The following FER1L5 variants were observed in gnomAD, a reference collection of about 807,000 sequenced individuals.
FER1L5 encodes the protein fer-1 like family member 5.
Under a neutral mutation model 279.9 loss-of-function variants are expected in FER1L5, and 187 were observed. The observed-to-expected ratio is 0.67, with a 90% confidence interval of 0.59 to 0.75. FER1L5 has a LOEUF of 0.75. Among genes scored for constraint, FER1L5 ranks in the 30% least tolerant of loss-of-function variants. FER1L5 has a pLI of 0.00. For synonymous variants in FER1L5, 921 were observed against 989.7 expected, an observed-to-expected ratio of 0.93 and a Z score of 1.30; for missense variants, 2,091 against 2,594.4, an observed-to-expected ratio of 0.81 and a Z score of 4.21.
chr2:96,661,487 TG>T, intron 11 of FER1L5, 47 bp downstream of exon 11: 1 of 1,529,688 alleles, frequency 6.5e-7, no homozygotes, highest in Non-Finnish European at 8.9e-7. Context: ...GGCTGCCTCC[TG>T]GGGGCACCCC....
intron 1 of FER1L5, among the ~76,000 whole-genome samples, chr2:96,643,384 C>CT (rs1299923730): frequency 6.6e-6 from 1 of 152,170 alleles, no homozygotes; most frequent in East Asian, 1.9e-4. Context: ...GACTGTCACT[C>CT]TGTCACCCAG....
chr2:96,644,620 C>T (rs1348347136), intron 1 of FER1L5, among the ~76,000 whole-genome samples: 4 of 152,156 alleles, frequency 2.6e-5, no homozygotes, highest in South Asian at 2.1e-4. Context: ...GGGAGAAAAC[C>T]GGGCCCAAGA....
At chr2:96,659,311 T>TCTC (rs1558852754) in intron 9 of FER1L5, among the ~76,000 whole-genome samples, 7 of 51,034 alleles carry the variant, frequency 1.4e-4, no homozygotes, top group African/African-American at 3.3e-4. Context: ...CCTTCCTTCC[T>TCTC]TCCTTCCTTC....
Position 96,647,762 on chromosome 2 carries a change from C to G in FER1L5, c.231-16C>G, listed in dbSNP as rs1394875560. On this transcript the variant is annotated splice_polypyrimidine_tract_variant and intron_variant, in intron 3 of 52. Transcript: ENST00000624922. ...CCCCTGGCTCAGGATCTCACATCTG[C>G]TCCTTGTCTCCCCAGATTCATTGGC... 1 of 1,537,506 alleles carries G rather than the reference C, an allele frequency of 6.5e-7. No individual in the cohort carries two copies. The highest frequency in any genetic ancestry group is 2.4e-5 in the East Asian group (1 of 40,868).
In FER1L5 at chr2:96,686,342, T is replaced by C. The variant is rs1000730063; in HGVS notation, c.2221T>C (p.Phe741Leu). The change falls in exon 23 of 53, where the codon TTC becomes CTC. Residue 741 changes from phenylalanine to leucine, a missense_variant. Transcript: ENST00000624922. ...GCTCTGTGGGAAGATACAGACACTC[T>C]TCCTACAGGTGGGAATCAGGGACTC... The part of the protein sequence containing the change: ...GRLCGKIQTL[F>L]LQYPEGEGQK... 6.4e-7 allele frequency: 1 copy of C among 1,550,680 alleles called. No individual in the cohort carries two copies. The highest frequency in any genetic ancestry group is 1.4e-5 in the African/African-American group (1 of 73,040).
chr2:96,688,864 G>A (rs1487073314), intron 24 of FER1L5: 1 of 230,476 alleles, frequency 4.3e-6, no homozygotes, highest in African/African-American at 2.4e-5. Context: ...TGCTGCCTCT[G>A]GGCCTTTTCA....
At chr2:96,695,292 G>C (rs1396449382) in intron 34 of FER1L5, 2 of 589,340 alleles carry the variant, frequency 3.4e-6, no homozygotes, top group Non-Finnish European at 5.6e-6. Flanking sequence ...TGGGTTGGGG[G>C]ACAGCGTCCC....
At chr2:96,679,103 C>T (rs982669636) in intron 19 of FER1L5, among the ~76,000 whole-genome samples, 1 of 151,632 alleles carries the variant, frequency 6.6e-6, no homozygotes, top group African/African-American at 2.4e-5. Context: ...GCCTGTAATC[C>T]CAACACTTTG....
At chr2:96,648,297 A>G (rs927340307) in intron 4 of FER1L5, among the ~76,000 whole-genome samples, 1 of 152,252 alleles carries the variant, frequency 6.6e-6, no homozygotes, top group African/African-American at 2.4e-5. Context: ...GACATTGGAA[A>G]TGTAGGGAGA....
intron 18 of FER1L5, among the ~76,000 whole-genome samples, chr2:96,670,875 C>T (rs562793125): frequency 1.1e-4 from 16 of 151,688 alleles, no homozygotes; most frequent in South Asian, 8.3e-4. Context: ...GAGGCTCAGG[C>T]GGGCAGATCA....
At position 96,691,400 on chromosome 2, in the gene FER1L5, C is replaced by A. The variant is rs1221014322; in HGVS notation, c.2908-45C>A. The A allele has an allele frequency of 4.6e-6, 7 of 1,536,372 alleles. No homozygotes were observed. Among genetic ancestry groups the A allele is most frequent in the Non-Finnish European group, 6.2e-6 (7 of 1,137,388 alleles). On this transcript the variant is annotated intron_variant, in intron 28 of 52. Transcript: ENST00000624922. The surrounding 1 kb of genome is among the most constrained non-coding windows in gnomAD (Gnocchi z 6.0). ...TGGCTGGGACTGCGGGCAGGGCCGC[C>A]TTGGCTGCTGCAGGAACACAACCCT...
intron 19 of FER1L5, among the ~76,000 whole-genome samples, chr2:96,678,407 A>T (rs1233686213): frequency 6.6e-6 from 1 of 151,024 alleles, no homozygotes; most frequent in African/African-American, 2.4e-5. Context: ...CTGGGATTAC[A>T]GGTGTGAGCC....
In FER1L5 at chr2:96,704,767, T is replaced by C; in HGVS notation, c.*75T>C. 1 of 1,145,112 alleles carries C rather than the reference T, an allele frequency of 8.7e-7. No individual in the cohort carries two copies. The highest frequency in any genetic ancestry group is 1.3e-5 in the South Asian group (1 of 75,750). 70.9% of individuals were successfully genotyped at this position (1,145,112 alleles called of 1,614,324 possible). A position where few individuals can be genotyped will look rare whatever the true frequency, so the allele number is the denominator to read the frequency against. On this transcript the variant is annotated 3_prime_UTR_variant, in exon 53 of 53. Coordinates refer to ENST00000624922, the MANE Select transcript of FER1L5 (RefSeq NM_001293083.2). ...GGGCTGGCTACCAGTTCTTTGTTTC[T>C]ATCTTCTAGAATATATGCAAGATGC...
At chr2:96,683,837 TG>T (rs1202051224) in intron 19 of FER1L5, among the ~76,000 whole-genome samples, 1 of 152,226 alleles carries the variant, frequency 6.6e-6, no homozygotes, top group Non-Finnish European at 1.5e-5. Context: ...CCTCTACGTT[TG>T]GTCTCACTTC....
rs144748365 is a variant in FER1L5, at chr2:96,687,797, C to T, written c.2230-19C>T. 2,735 of 1,550,650 alleles carry T rather than the reference C, an allele frequency of 1.8e-3. 9 individuals carry two copies. Among genetic ancestry groups the T allele is most frequent in the African/African-American group, 6.4e-3 (467 of 73,134 alleles). Reference sequence around the variant, plus strand: ...AGGGTGTTTAGTGCCCCTGTGGGACCGATCGGCCTCTGGCTCAGTACCCAG... The same window carrying T: ...AGGGTGTTTAGTGCCCCTGTGGGACTGATCGGCCTCTGGCTCAGTACCCAG... On this transcript the variant is annotated intron_variant, in intron 23 of 52. Transcript: ENST00000624922.
intron 9 of FER1L5, among the ~76,000 whole-genome samples, chr2:96,658,455 T>G (rs537308636): frequency 1.3e-5 from 2 of 151,970 alleles, no homozygotes; most frequent in South Asian, 4.2e-4. Flanking sequence ...TAGCTGGGAT[T>G]ACAGGTGCAC....
chr2:96,651,539 T>C (rs2075382874), intron 6 of FER1L5, among the ~76,000 whole-genome samples: 1 of 151,366 alleles, frequency 6.6e-6, no homozygotes, highest in African/African-American at 2.4e-5. Flanking sequence ...TCTTGCTCTG[T>C]TGCCCAGGCT....
chr2:96,678,492 G>A (rs569123021), intron 19 of FER1L5, among the ~76,000 whole-genome samples: 1 of 151,876 alleles, frequency 6.6e-6, no homozygotes, highest in African/African-American at 2.4e-5. Context: ...GGAGTGCAGT[G>A]GTGCAATCAC....
At chr2:96,682,995 A>G (rs370592051) in intron 19 of FER1L5, among the ~76,000 whole-genome samples, 12 of 152,334 alleles carry the variant, frequency 7.9e-5, no homozygotes, top group African/African-American at 2.6e-4. Flanking sequence ...AACATCCGTG[A>G]GGCCCCACTT....
Sources: allele counts gnomAD v4.1 joint callset (sites outside exome capture counted in the v4.1 genomes callset), GRCh38; gene constraint gnomAD v4.1.1; non-coding constraint Gnocchi (gnomAD v3.1); transcripts MANE v1.5; gene names NCBI Gene and HGNC (gene_info 2026-07-23, HGNC 2026-07-21).